Variants in TXNDC16 observed in about 807,000 individuals in gnomAD.
TXNDC16 encodes thioredoxin domain-containing protein 16.
TXNDC16 carries 74 observed loss-of-function variants against 85.6 expected under a neutral mutation model. That is an observed-to-expected ratio of 0.86 (90% CI 0.72 to 1.05). The LOEUF (loss-of-function observed/expected upper bound fraction) is 1.05. TXNDC16 is among the 50% of genes least tolerant of loss of function. The probability of loss-of-function intolerance (pLI) is 0.00; values close to 1 mark genes in which losing one functional copy is unlikely to be tolerated. For synonymous variants in TXNDC16, 335 were observed against 326.5 expected (o/e 1.03, Z -0.28); for missense variants, 959 against 947.0 (o/e 1.01, Z -0.17).
intron 14 of TXNDC16, among the ~76,000 whole-genome samples, chr14:52,476,802 T>C (rs937305361): frequency 2.0e-5 from 3 of 152,128 alleles, no homozygotes; most frequent in Non-Finnish European, 4.4e-5. Flanking sequence ...GAACTAGGCA[T>C]CCAAGTACAA....
intron 6 of TXNDC16, among the ~76,000 whole-genome samples, chr14:52,530,234 T>TA (rs1566581746): frequency 2.3e-4 from 16 of 69,500 alleles, no homozygotes; most frequent in African/African-American, 9.6e-4. Flanking sequence ...TAATATTACA[T>TA]ATAATAATAT....
chr14:52,526,601 A>G (rs1004655623), intron 6 of TXNDC16, among the ~76,000 whole-genome samples: 1 of 152,286 alleles, frequency 6.6e-6, no homozygotes, highest in South Asian at 2.1e-4. Context: ...AGAGAAATAA[A>G]ACATATCTGT....
chr14:52,470,604 T>A lies in TXNDC16; in HGVS notation c.1389A>T (p.Glu463Asp). ...SDVCTKQNVT[E>D]FPIIKMYKKG... Reference sequence around the variant, plus strand: ...TCTTGTACATCTTTATGATAGGAAATTCAGTAACATTTTGCTTAGTACATA... The same window carrying A: ...TCTTGTACATCTTTATGATAGGAAAATCAGTAACATTTTGCTTAGTACATA... Residue 463 changes from glutamate to aspartate, a missense_variant, in exon 15 of 21, where the codon GAA becomes GAT. Physicochemically the swap from Glu to Asp is conservative, Grantham distance 45 (BLOSUM62 2). Transcript: ENST00000281741. 6.2e-7 allele frequency: 1 copy of A among 1,614,008 alleles called. No individual in the cohort carries two copies. Among genetic ancestry groups the A allele is most frequent in the African/African-American group, 1.3e-5 (1 of 75,038 alleles).
intron 18 of TXNDC16, among the ~76,000 whole-genome samples, chr14:52,441,523 C>T (rs1225928986): frequency 1.4e-4 from 21 of 151,818 alleles, no homozygotes; most frequent in Admixed American, 1.3e-3. Context: ...GCAAGACAAT[C>T]GCTTGAACCC....
chr14:52,457,929 T>TTA lies in TXNDC16; in HGVS notation c.1619-757_1619-756dup, dbSNP rs1341111613. Among the ~76,000 whole-genome samples, 6 of 152,266 alleles carry TTA rather than the reference T, an allele frequency of 3.9e-5. No individual in the cohort carries two copies. The East Asian group carries it at 1.2e-3, about 29-fold the overall frequency. The stretch of plus-strand genomic sequence containing the variant: ...TAATGAGAAAAGCACAGAGGTGGAC[T>TTA]TATAGGTCAAATTCTTGCCAAGTGA... On this transcript the variant is annotated intron_variant, in intron 16 of 20. Coordinates refer to ENST00000281741, the MANE Select transcript of TXNDC16 (RefSeq NM_020784.3).
At chr14:52,443,908 G>A (rs565889527) in intron 18 of TXNDC16, among the ~76,000 whole-genome samples, 6 of 152,192 alleles carry the variant, frequency 3.9e-5, no homozygotes, top group South Asian at 2.1e-4. Context: ...TTAAACACTC[G>A]GATTTAGGAA....
chr14:52,467,297 A>T (rs1477414165), intron 16 of TXNDC16, among the ~76,000 whole-genome samples: 18 of 152,218 alleles, frequency 1.2e-4, no homozygotes, highest in African/African-American at 3.9e-4. Flanking sequence ...AAAAAATCAC[A>T]ATCAACAGAG....
chr14:52,517,803 T>C lies in TXNDC16; in HGVS notation c.514+1369A>G, dbSNP rs182552071. Among the ~76,000 whole-genome samples, 11 of 152,330 alleles carry C rather than the reference T, an allele frequency of 7.2e-5. No individual in the cohort carries two copies. In the East Asian group the frequency reaches 1.2e-3, roughly 16 times the overall value. On this transcript the variant is annotated intron_variant, in intron 7 of 20. Transcript: ENST00000281741. ...AAAAAATTATTCTCCTAACTCCATA[T>C]ATTCTTCCAGCCAGTGCCCCGTTTT...
intron 16 of TXNDC16, among the ~76,000 whole-genome samples, chr14:52,465,146 T>C (rs1338294939): frequency 1.3e-5 from 2 of 152,194 alleles, no homozygotes; most frequent in Non-Finnish European, 2.9e-5. Flanking sequence ...GTTAATAGTA[T>C]CTACTATGTG....
intron 6 of TXNDC16, among the ~76,000 whole-genome samples, chr14:52,535,767 G>A (rs151051394): frequency 1.5e-3 from 235 of 152,186 alleles, no homozygotes; most frequent in African/African-American, 5.6e-3. Context: ...GTATGTGTTG[G>A]GACAAACTCT....
rs191687569 is a variant in TXNDC16 at position 52,509,002 on chromosome 14, A to G, written c.756+2238T>C. 5.1e-3 allele frequency among the ~76,000 whole-genome samples: 773 copies of G among 152,274 alleles called. 3 individuals carry two copies. The highest frequency in any genetic ancestry group is 8.0e-3 in the Non-Finnish European group (542 of 68,024). On this transcript the variant is annotated intron_variant, in intron 9 of 20. Coordinates refer to ENST00000281741, the MANE Select transcript of TXNDC16 (RefSeq NM_020784.3). Reference sequence around the variant, plus strand: ...GCACACCAACATGGCACATGTATATATATGTAACAAACCTGCACGTTGTGC... The same window carrying G: ...GCACACCAACATGGCACATGTATATGTATGTAACAAACCTGCACGTTGTGC...
At chr14:52,489,721 T>C (rs990770072) in intron 11 of TXNDC16, among the ~76,000 whole-genome samples, 1 of 152,226 alleles carries the variant, frequency 6.6e-6, no homozygotes, top group Non-Finnish European at 1.5e-5. Context: ...CAGATTAAGA[T>C]ACAGAACATC....
intron 9 of TXNDC16, among the ~76,000 whole-genome samples, chr14:52,504,456 T>C (rs913058449): frequency 5.3e-5 from 8 of 152,176 alleles, no homozygotes; most frequent in African/African-American, 1.9e-4. Flanking sequence ...CAGAATTTCA[T>C]ATCCAGCCAA....
intron 6 of TXNDC16, among the ~76,000 whole-genome samples, chr14:52,524,050 C>T (rs560661745): frequency 1.3e-5 from 2 of 152,302 alleles, no homozygotes; most frequent in South Asian, 2.1e-4. Context: ...CATTATCGAA[C>T]AGGAACCCAC....
intron 6 of TXNDC16, among the ~76,000 whole-genome samples, chr14:52,530,217 TA>T (rs1460053541): frequency 7.3e-4 from 37 of 50,712 alleles, no homozygotes; most frequent in East Asian, 4.1e-3. Flanking sequence ...TTATACAGAA[TA>T]ATATATAATA....
rs116047325 is a variant in TXNDC16, at chr14:52,463,329, G to A, written c.1619-6155C>T. On this transcript the variant is annotated intron_variant, in intron 16 of 20. Transcript: ENST00000281741. ...GAGCAATGGACACAATGGGCCCAGCGGGTACACCATTTGGTCACTCTATGC... is the reference window on the plus strand; with the variant it reads ...GAGCAATGGACACAATGGGCCCAGCAGGTACACCATTTGGTCACTCTATGC... Among the ~76,000 whole-genome samples the A allele has an allele frequency of 4.3e-3, 655 of 152,262 alleles. 3 individuals carry two copies. Among genetic ancestry groups the A allele is most frequent in the African/African-American group, 0.014 (576 of 41,534 alleles).
intron 9 of TXNDC16, among the ~76,000 whole-genome samples, chr14:52,499,605 C>T (rs1383879916): frequency 6.9e-6 from 1 of 145,068 alleles, no homozygotes; most frequent in African/African-American, 2.6e-5. Context: ...AAAATGGCCA[C>T]TATCAAAAAA....
chr14:52,512,401 G>T (rs1043437707), intron 8 of TXNDC16, among the ~76,000 whole-genome samples: 2 of 152,068 alleles, frequency 1.3e-5, no homozygotes, highest in African/African-American at 4.8e-5. Flanking sequence ...GGAGATTATC[G>T]CAGAGCTTAA....
At chr14:52,503,098 G>A (rs2036701372) in intron 9 of TXNDC16, among the ~76,000 whole-genome samples, 2 of 152,342 alleles carry the variant, frequency 1.3e-5, no homozygotes, top group African/African-American at 4.8e-5. Context: ...ACTGGGTGGA[G>A]CCCACCACAG....
Sources: allele counts gnomAD v4.1 joint callset (sites outside exome capture counted in the v4.1 genomes callset), GRCh38; gene constraint gnomAD v4.1.1; transcripts MANE v1.5; gene names NCBI Gene and HGNC (gene_info 2026-07-23, HGNC 2026-07-21).